Variants in PCDHA4 observed in about 807,000 individuals in gnomAD.
PCDHA4 encodes the protein protocadherin alpha-4.
In PCDHA4, 49 loss-of-function variants were observed where a neutral mutation model predicts 61.4. The ratio of observed to expected loss-of-function variants is 0.80; its 90% CI spans 0.63 to 1.01. The LOEUF (loss-of-function observed/expected upper bound fraction) is 1.01, where lower values mean the gene tolerates loss of function less well. Among genes scored for constraint, PCDHA4 ranks in the 50% least tolerant of loss-of-function variants. The pLI, the probability that PCDHA4 is intolerant of heterozygous loss-of-function variation, is 0.00. For synonymous variants in PCDHA4, 590 were observed against 550.3 expected, an observed-to-expected ratio of 1.07 and a Z score of -1.01; for missense variants, 1,254 against 1,235.8, an observed-to-expected ratio of 1.01 and a Z score of -0.22.
chr5:140,928,569 G>A (rs2085338493), intron 1 of PCDHA4: 2 of 1,614,202 alleles, frequency 1.2e-6, no homozygotes, highest in Non-Finnish European at 1.7e-6. Flanking sequence ...TGTTTCCCTT[G>A]CCCAGAAATG....
intron 1 of PCDHA4, chr5:140,883,880 C>A: frequency 6.2e-7 from 1 of 1,613,304 alleles, no homozygotes. Context: ...GGTGAGCGCG[C>A]GCGACTCTGG....
In PCDHA4 at chr5:140,882,450, C is replaced by A. The variant is rs781827745; in HGVS notation, c.2385+72878C>A. On this transcript the variant is annotated intron_variant, in intron 1 of 3. Transcript: ENST00000530339. ...GGGCTGGAGCTGGCGGAGCTGGTGC[C>A]GCGCCTGTTCCGGGTGGCGTCCAAA... The A allele has an allele frequency of 1.7e-5, 28 of 1,613,872 alleles. No individual in the cohort carries two copies. In the East Asian group the frequency reaches 4.5e-4, roughly 26 times the overall value.
At chr5:140,861,641 G>T (rs193008750) in intron 1 of PCDHA4, 38 of 298,444 alleles carry the variant, frequency 1.3e-4, no homozygotes, top group Admixed American at 1.2e-3. Flanking sequence ...CAACACAAAA[G>T]AATCTGTTTC....
intron 1 of PCDHA4, chr5:140,875,619 T>G (rs369772491): frequency 7.7e-5 from 125 of 1,613,602 alleles, no homozygotes; most frequent in African/African-American, 7.5e-4. Flanking sequence ...GCCGCATCGC[T>G]CAGGACCTGG....
chr5:140,884,003 G>A, intron 1 of PCDHA4: 4 of 1,613,086 alleles, frequency 2.5e-6, no homozygotes, highest in African/African-American at 1.3e-5. Flanking sequence ...CACAGTGAGC[G>A]AGCTGATGCC....
chr5:140,897,806 CA>C (rs1351917169), intron 1 of PCDHA4, among the ~76,000 whole-genome samples: 11 of 152,166 alleles, frequency 7.2e-5, no homozygotes, highest in African/African-American at 2.7e-4. Flanking sequence ...GTCCCACCAA[CA>C]GTGTAAAAGT....
intron 1 of PCDHA4, among the ~76,000 whole-genome samples, chr5:140,846,505 G>A (rs1780519041): frequency 6.8e-6 from 1 of 146,968 alleles, no homozygotes; most frequent in Non-Finnish European, 1.5e-5. Flanking sequence ...CTCCCAAGTA[G>A]CTGGGATTAC....
chr5:140,842,159 T>A (rs2150330749), intron 1 of PCDHA4: 1 of 1,613,882 alleles, frequency 6.2e-7, no homozygotes, highest in South Asian at 1.1e-5. Context: ...AATTTCATAT[T>A]CTTTTAATAG....
At chr5:141,009,584 AT>A in intron 3 of PCDHA4, 42 bp from the exon 4 acceptor site, 1 of 1,592,004 alleles carries the variant, frequency 6.3e-7, no homozygotes, top group Non-Finnish European at 8.6e-7. Flanking sequence ...CATCAAGAGC[AT>A]GTGTTGACCC....
At position 140,807,692 on chromosome 5, in the gene PCDHA4, A is replaced by C; in HGVS notation, c.505A>C (p.Thr169Pro). 1.2e-6 allele frequency: 2 copies of C among 1,614,216 alleles called. No homozygotes were observed. The highest frequency in any genetic ancestry group is 1.7e-6 in the Non-Finnish European group (2 of 1,180,038). ...DADIGENALL[T>P]YRLSPNEYFS... ...AGATATCGGGGAGAACGCCCTGCTC[A>C]CTTACAGACTGAGCCCAAATGAATA... Residue 169 changes from threonine to proline, a missense_variant, in exon 1 of 4, where the codon ACT becomes CCT. By Grantham distance (38) the Thr-to-Pro change is conservative. Coordinates refer to ENST00000530339, the MANE Select transcript of PCDHA4 (RefSeq NM_018907.4).
Position 140,850,457 on chromosome 5 carries a change from C to T in PCDHA4, c.2385+40885C>T, listed in dbSNP as rs2041615283. On this transcript the variant is annotated intron_variant, in intron 1 of 3. Transcript: ENST00000530339. ...GCCTACTGGTGCTGGTGAAAGACCA[C>T]GGGGAGCCAGCGCTGACGGCCACGG... is the stretch of plus-strand genomic sequence containing the variant. 8.1e-6 allele frequency: 13 copies of T among 1,597,684 alleles called. 1 individual carries two copies. Among genetic ancestry groups the T allele is most frequent in the Non-Finnish European group, 1.1e-5 (13 of 1,167,628 alleles).
intron 1 of PCDHA4, chr5:140,854,215 G>A: frequency 1.5e-6 from 1 of 645,326 alleles, no homozygotes; most frequent in Non-Finnish European, 1.9e-6. Flanking sequence ...TTCAATATTG[G>A]ACATCTACAT....
chr5:140,903,086 C>T lies in PCDHA4; in HGVS notation c.2386-75863C>T, dbSNP rs534457835. 2.6e-5 allele frequency among the ~76,000 whole-genome samples: 4 copies of T among 152,260 alleles called. No homozygotes were observed. In the East Asian group the frequency reaches 7.7e-4, roughly 29 times the overall value. ...CCTTTGGGTAGATACCTGATAGTGGCATTGCTGGATCAAATAATAGCTCTA... is the reference window on the plus strand; with the variant it reads ...CCTTTGGGTAGATACCTGATAGTGGTATTGCTGGATCAAATAATAGCTCTA... On this transcript the variant is annotated intron_variant, in intron 1 of 3. Transcript: ENST00000530339.
At chr5:140,870,438 C>A in intron 1 of PCDHA4, 1 of 1,614,178 alleles carries the variant, frequency 6.2e-7, no homozygotes, top group Non-Finnish European at 8.5e-7. Context: ...TGGAGGTGGC[C>A]GACGTGAACG....
At chr5:140,890,526 ATCT>A (rs2062679933) in intron 1 of PCDHA4, among the ~76,000 whole-genome samples, 1 of 151,278 alleles carries the variant, frequency 6.6e-6, no homozygotes, top group Admixed American at 6.6e-5. Flanking sequence ...TCCTTTGTTG[ATCT>A]TCTTTTGAAA....
chr5:140,981,504 G>A (rs1435264364), intron 2 of PCDHA4, among the ~76,000 whole-genome samples: 1 of 152,182 alleles, frequency 6.6e-6, no homozygotes, highest in African/African-American at 2.4e-5. Flanking sequence ...AACCTGGGAG[G>A]CAGAGGTTGC....
chr5:140,957,159 C>G (rs2095337596), intron 1 of PCDHA4, among the ~76,000 whole-genome samples: 1 of 151,974 alleles, frequency 6.6e-6, no homozygotes, highest in Non-Finnish European at 1.5e-5. Flanking sequence ...GGAGACAAAT[C>G]TAAGTATATA....
At chr5:140,828,526 T>C in intron 1 of PCDHA4, 4 of 1,614,226 alleles carry the variant, frequency 2.5e-6, no homozygotes, top group Non-Finnish European at 3.4e-6. Context: ...TTTACGAATC[T>C]AGGCTGCCAG....
In PCDHA4 at chr5:140,852,588, T is replaced by TTA. The variant is rs1554145946; in HGVS notation, c.2385+43017_2385+43018insAT. On this transcript the variant is annotated intron_variant, in intron 1 of 3. Coordinates refer to ENST00000530339, the MANE Select transcript of PCDHA4 (RefSeq NM_018907.4). ...ACTGTGCCAAGGCTTTTTTATTTTTTTTTTTTGTCATTTTCTTTCAAAACT... is the reference window on the plus strand; with the variant it reads ...ACTGTGCCAAGGCTTTTTTATTTTTTTATTTTTTGTCATTTTCTTTCAAAACT... 1.7e-5 allele frequency: 15 copies of TTA among 881,508 alleles called. 1 individual carries two copies. The highest frequency in any genetic ancestry group is 1.9e-5 in the Non-Finnish European group (14 of 723,686). The allele number at this position is 881,508 out of a possible 1,614,324, so 54.6% of individuals were successfully genotyped here. A position where few individuals can be genotyped will look rare whatever the true frequency, so the allele number is the denominator to read the frequency against.
Sources: allele counts gnomAD v4.1 joint callset (sites outside exome capture counted in the v4.1 genomes callset), GRCh38; gene constraint gnomAD v4.1.1; transcripts MANE v1.5; gene names NCBI Gene and HGNC (gene_info 2026-07-23, HGNC 2026-07-21).